Variants in RGL1 observed in about 807,000 individuals in gnomAD.
RGL1 encodes ral guanine nucleotide dissociation stimulator like 1.
Under a neutral mutation model 95.2 loss-of-function variants are expected in RGL1, and 24 were observed. That is an observed-to-expected ratio of 0.25 (90% CI 0.18 to 0.35). The LOEUF (loss-of-function observed/expected upper bound fraction) is 0.35, where lower values mean the gene tolerates loss of function less well. Among genes scored for constraint, RGL1 ranks in the 10% least tolerant of loss-of-function variants. The probability of loss-of-function intolerance (pLI) is 1.00; values close to 1 mark genes in which losing one functional copy is unlikely to be tolerated. For synonymous variants in RGL1, 329 were observed against 344.9 expected (o/e 0.95, Z 0.51); for missense variants, 715 against 936.3 (o/e 0.76, Z 3.08).
chr1:183,910,936 A>G (rs1393197775), intron 14 of RGL1, among the ~76,000 whole-genome samples: 1 of 152,224 alleles, frequency 6.6e-6, no homozygotes. Flanking sequence ...GAATAAGCAC[A>G]TTATTAGTTT....
At chr1:183,717,866 A>G (rs12145081) in intron 1 of RGL1, among the ~76,000 whole-genome samples, 72,690 of 152,030 alleles carry the variant, frequency 0.48, 17,944 homozygotes, top group East Asian at 0.76. Flanking sequence ...GCACAGAAGA[A>G]GTCTTCTCTC....
At chr1:183,821,219 A>G (rs557258151) in intron 2 of RGL1, among the ~76,000 whole-genome samples, 7 of 152,288 alleles carry the variant, frequency 4.6e-5, no homozygotes, top group African/African-American at 1.4e-4. Flanking sequence ...TAAATTGCCT[A>G]TGGCTAGCAT....
chr1:183,650,386 G>A (rs1650641339), intron 1 of RGL1, among the ~76,000 whole-genome samples: 1 of 151,978 alleles, frequency 6.6e-6, no homozygotes, highest in Non-Finnish European at 1.5e-5. Flanking sequence ...TACTAAAAAT[G>A]TAAAAAATTA....
rs10911463 is a variant in RGL1, at chr1:183,904,451, T to G, written c.1351-399T>G. Among the ~76,000 whole-genome samples the G allele has an allele frequency of 7.0e-3, 1,065 of 152,004 alleles. 14 individuals are homozygous for G. The highest frequency in any genetic ancestry group is 0.021 in the African/African-American group (881 of 41,444). ...TTTCTTTTCTTTTTTTTAAGAAATA[T>G]GAATAGAAATTAATATATTTTATGA... is the stretch of plus-strand genomic sequence containing the variant. On this transcript the variant is annotated intron_variant, in intron 12 of 17. Transcript: ENST00000360851.
rs1304217087 is a variant in RGL1, at chr1:183,737,271, T to G, written c.-32-4855T>G. On this transcript the variant is annotated intron_variant, in intron 1 of 18. Transcript: ENST00000304685. ...ATACTTAACGTTTTCAAGATTAGCC[T>G]CTGAGAAGCTGCTCATTTACTTTTG... 2.0e-5 allele frequency among the ~76,000 whole-genome samples: 3 copies of G among 152,216 alleles called. 1 individual carries two copies. Among genetic ancestry groups the G allele is most frequent in the Non-Finnish European group, 4.4e-5 (3 of 68,038 alleles).
At chr1:183,652,233 A>G (rs1650814029) in intron 1 of RGL1, among the ~76,000 whole-genome samples, 1 of 152,182 alleles carries the variant, frequency 6.6e-6, no homozygotes. Flanking sequence ...GAAACTCCCT[A>G]TTGCTTTTCT....
chr1:183,926,479 A>G lies in RGL1; in HGVS notation c.*187A>G, dbSNP rs1669623827. 1 of 456,550 alleles carries G rather than the reference A, an allele frequency of 2.2e-6. No homozygotes were observed. The highest frequency in any genetic ancestry group is 3.9e-6 in the Non-Finnish European group (1 of 255,522). The allele number at this position is 456,550 out of a possible 1,614,324, so 28.3% of individuals were successfully genotyped here. On this transcript the variant is annotated 3_prime_UTR_variant, in exon 18 of 18. Transcript: ENST00000360851. ...GGAAACTGGAAATGAATTTGACATGAAAAGGATGAACGATTCACTGATTCT... is the reference window on the plus strand; with the variant it reads ...GGAAACTGGAAATGAATTTGACATGGAAAGGATGAACGATTCACTGATTCT...
chr1:183,840,312 G>A (rs1663959507), intron 2 of RGL1, among the ~76,000 whole-genome samples: 1 of 152,140 alleles, frequency 6.6e-6, no homozygotes, highest in Admixed American at 6.5e-5. Context: ...TAGTTTCTAT[G>A]ACTCACCTTG....
chr1:183,708,318 G>C (rs554169762), intron 1 of RGL1, among the ~76,000 whole-genome samples: 2 of 152,108 alleles, frequency 1.3e-5, no homozygotes, highest in Non-Finnish European at 2.9e-5. Context: ...AGGAGCGATC[G>C]TCACTGCTGC....
At chr1:183,839,476 A>T (rs764067410) in intron 2 of RGL1, among the ~76,000 whole-genome samples, 55 of 152,076 alleles carry the variant, frequency 3.6e-4, no homozygotes, top group Non-Finnish European at 6.6e-4. Context: ...TGATTATTTG[A>T]TGGGAGGGTA....
At chr1:183,739,618 C>T (rs889598478) in intron 1 of RGL1, among the ~76,000 whole-genome samples, 3 of 152,080 alleles carry the variant, frequency 2.0e-5, no homozygotes, top group Admixed American at 6.6e-5. Context: ...TTTGTAAGTG[C>T]GGAGATACAC....
At chr1:183,648,950 G>C (rs1650521204) in intron 1 of RGL1, 2 of 583,386 alleles carry the variant, frequency 3.4e-6, no homozygotes, top group East Asian at 5.7e-5. Flanking sequence ...AAAAGCTCAG[G>C]ATTCATTATT....
At chr1:183,893,117 T>C (rs571667814) in intron 9 of RGL1, among the ~76,000 whole-genome samples, 38 of 152,282 alleles carry the variant, frequency 2.5e-4, no homozygotes, top group African/African-American at 8.4e-4. Flanking sequence ...GAAGGTAAAT[T>C]AGTAGTTCAG....
At chr1:183,787,836 A>G (rs974143486) in intron 2 of RGL1, among the ~76,000 whole-genome samples, 6 of 151,862 alleles carry the variant, frequency 4.0e-5, no homozygotes, top group Non-Finnish European at 7.4e-5. Flanking sequence ...CAAAAAAAAA[A>G]GAGCCTGGCA....
chr1:183,865,960 C>T, intron 3 of RGL1, 36 bp from the exon 4 acceptor site: 1 of 1,465,966 alleles, frequency 6.8e-7, no homozygotes, highest in Non-Finnish European at 9.6e-7. Flanking sequence ...ACACCACTGA[C>T]TGTTTTTGCT....
At chr1:183,723,411 G>A (rs1656127594) in intron 1 of RGL1, among the ~76,000 whole-genome samples, 1 of 152,246 alleles carries the variant, frequency 6.6e-6, no homozygotes, top group South Asian at 2.1e-4. Flanking sequence ...AGGCACTGAA[G>A]AGGATAGGAA....
At chr1:183,743,378 T>G (rs1657430867) in intron 2 of RGL1, among the ~76,000 whole-genome samples, 1 of 152,154 alleles carries the variant, frequency 6.6e-6, no homozygotes, top group Non-Finnish European at 1.5e-5. Context: ...AAGCAACAAC[T>G]AAGATAGCAT....
chr1:183,650,409 G>A (rs1650644445), intron 1 of RGL1, among the ~76,000 whole-genome samples: 1 of 152,162 alleles, frequency 6.6e-6, no homozygotes, highest in East Asian at 1.9e-4. Context: ...CAGGTGTGGT[G>A]GCATGCGCCT....
chr1:183,840,129 A>G (rs1368939443), intron 2 of RGL1, among the ~76,000 whole-genome samples: 2 of 152,200 alleles, frequency 1.3e-5, no homozygotes, highest in African/African-American at 4.8e-5. Context: ...TCTTTGTAGT[A>G]TTCTTCTTTC....
Sources: gnomAD v4.1 joint callset for allele counts (sites outside exome capture counted in the v4.1 genomes callset) on GRCh38, gnomAD v4.1.1 for gene constraint, MANE v1.5 for transcripts, NCBI Gene and HGNC (gene_info 2026-07-23, HGNC 2026-07-21) for gene names.